The following MICU2 variants were observed in gnomAD, a reference collection of about 807,000 sequenced individuals.
MICU2 encodes the protein calcium uptake protein 2, mitochondrial.
A neutral mutation model predicts 60.4 loss-of-function variants in MICU2; 64 were observed. The observed-to-expected ratio is 1.06, with a 90% CI of 0.87 to 1.31. The LOEUF (loss-of-function observed/expected upper bound fraction) is 1.31. Among genes scored for constraint, MICU2 ranks in the 50% most tolerant of loss-of-function variants. The probability of loss-of-function intolerance (pLI) is 0.00; values close to 1 mark genes in which losing one functional copy is unlikely to be tolerated. For missense variants in MICU2, 569 were observed against 531.0 expected (o/e 1.07, Z -0.70); for synonymous variants, 201 against 175.0 (o/e 1.15, Z -1.17).
intron 2 of MICU2, among the ~76,000 whole-genome samples, chr13:21,550,025 G>A (rs1031699597): frequency 3.3e-5 from 5 of 152,066 alleles, no homozygotes; most frequent in African/African-American, 1.2e-4. Context: ...TAAAGGGTAG[G>A]GCTAGCACTG....
chr13:21,601,445 T>C (rs1262215286), intron 1 of MICU2, among the ~76,000 whole-genome samples: 1 of 152,226 alleles, frequency 6.6e-6, no homozygotes, highest in East Asian at 1.9e-4. Context: ...GCAAATGCTA[T>C]GCCAACAGAC....
chr13:21,522,536 T>A (rs956238618), intron 5 of MICU2, 67 bp downstream of exon 5: 26 of 1,313,158 alleles, frequency 2.0e-5, no homozygotes, highest in African/African-American at 3.0e-5. Flanking sequence ...TGCCAAACTT[T>A]TAAAATCCTG....
chr13:21,594,994 T>C (rs997901672), intron 1 of MICU2, among the ~76,000 whole-genome samples: 1 of 152,204 alleles, frequency 6.6e-6, no homozygotes, highest in Admixed American at 6.5e-5. Context: ...TATCCTGTTT[T>C]TGTTTTGTTT....
At chr13:21,506,367 T>C (rs920125952) in intron 8 of MICU2, among the ~76,000 whole-genome samples, 1 of 152,194 alleles carries the variant, frequency 6.6e-6, no homozygotes, top group Non-Finnish European at 1.5e-5. Flanking sequence ...ACCTCAGCTC[T>C]AATGGGCTGC....
chr13:21,595,303 G>T (rs1469621432), intron 1 of MICU2, among the ~76,000 whole-genome samples: 1 of 152,208 alleles, frequency 6.6e-6, no homozygotes, highest in South Asian at 2.1e-4. Context: ...GAAGGCATGG[G>T]AGTGACACTG....
At chr13:21,563,019 T>C (rs1050653873) in intron 2 of MICU2, among the ~76,000 whole-genome samples, 2 of 152,234 alleles carry the variant, frequency 1.3e-5, no homozygotes, top group African/African-American at 2.4e-5. Flanking sequence ...GAATTCTACA[T>C]TGGTAAATTT....
intron 4 of MICU2, among the ~76,000 whole-genome samples, chr13:21,535,422 T>C (rs1887107896): frequency 6.6e-6 from 1 of 152,156 alleles, no homozygotes; most frequent in African/African-American, 2.4e-5. Flanking sequence ...AGTCTCAAAA[T>C]GCTTCCAGAA....
chr13:21,531,336 G>A (rs181214504), intron 4 of MICU2: 287 of 1,529,456 alleles, frequency 1.9e-4, no homozygotes, highest in Admixed American at 1.4e-3. Context: ...ACACCAACCC[G>A]AAAAACTTGA....
intron 1 of MICU2, among the ~76,000 whole-genome samples, chr13:21,578,511 C>A (rs1888276356): frequency 6.6e-6 from 1 of 152,056 alleles, no homozygotes; most frequent in African/African-American, 2.4e-5. Context: ...ATCACTTGAG[C>A]CTGCGAGGTT....
intron 2 of MICU2, among the ~76,000 whole-genome samples, chr13:21,546,295 CT>C (rs33921647): frequency 0.18 from 23,335 of 131,190 alleles, 2,082 homozygotes; most frequent in Non-Finnish European, 0.25. Context: ...GATAAAAAGA[CT>C]TTTTTTTTTT....
At chr13:21,525,102 T>C (rs1220506874) in intron 4 of MICU2, among the ~76,000 whole-genome samples, 1 of 151,776 alleles carries the variant, frequency 6.6e-6, no homozygotes, top group Non-Finnish European at 1.5e-5. Context: ...AATATTTATC[T>C]AAGCCCCTGC....
chr13:21,539,501 C>G (rs1458271308), intron 3 of MICU2, 124 bp from the exon 4 acceptor site: 28 of 1,283,862 alleles, frequency 2.2e-5, no homozygotes, highest in Admixed American at 1.2e-4. Context: ...CAGGGCTTCA[C>G]TGTGTTAGCC....
intron 1 of MICU2, among the ~76,000 whole-genome samples, chr13:21,598,499 T>C (rs1888744130): frequency 6.6e-6 from 1 of 152,160 alleles, no homozygotes; most frequent in South Asian, 2.1e-4. Context: ...ACGGATCACC[T>C]GAGGTCAAGA....
At chr13:21,529,614 G>C (rs1886938772) in intron 4 of MICU2, among the ~76,000 whole-genome samples, 1 of 152,232 alleles carries the variant, frequency 6.6e-6, no homozygotes, top group South Asian at 2.1e-4. Flanking sequence ...TGTGGTTTCA[G>C]AGAAATCAAG....
Position 21,604,084 on chromosome 13 carries a change from A to G in MICU2, c.65T>C (p.Leu22Pro). Residue 22 changes from leucine (L) to proline (P), a missense_variant, in exon 1 of 12, where the codon CTC becomes CCC. Transcript: ENST00000382374. ...CCGCACAGCCTGTCGGCTGACAGCGAGCCCCCGTCGCAGTTTTCCGCCCCA... is the reference window on the plus strand; with the variant it reads ...CCGCACAGCCTGTCGGCTGACAGCGGGCCCCCGTCGCAGTTTTCCGCCCCA... ...AAWGGKLRRGLAVSRQAVRSP... is the reference protein window; with the variant it reads ...AAWGGKLRRGPAVSRQAVRSP... 6.3e-7 allele frequency: 1 copy of G among 1,596,944 alleles called. No individual in the cohort carries two copies. Among genetic ancestry groups the G allele is most frequent in the Non-Finnish European group, 8.5e-7 (1 of 1,173,356 alleles).
At chr13:21,578,732 T>C (rs1219648897) in intron 1 of MICU2, among the ~76,000 whole-genome samples, 1 of 152,228 alleles carries the variant, frequency 6.6e-6, no homozygotes, top group African/African-American at 2.4e-5. Context: ...GCAACCTCAC[T>C]AAAGATATAC....
chr13:21,574,576 A>G (rs1888182246), intron 1 of MICU2, among the ~76,000 whole-genome samples: 1 of 152,214 alleles, frequency 6.6e-6, no homozygotes, highest in African/African-American at 2.4e-5. Context: ...GACATATTGG[A>G]AAAAGTTAGT....
At chr13:21,560,006 C>T (rs572783935) in intron 2 of MICU2, among the ~76,000 whole-genome samples, 1 of 152,132 alleles carries the variant, frequency 6.6e-6, no homozygotes, top group Admixed American at 6.5e-5. Flanking sequence ...CATACATTTC[C>T]TCTTCTGTGA....
At chr13:21,593,216 C>T (rs1888620798) in intron 1 of MICU2, among the ~76,000 whole-genome samples, 1 of 151,886 alleles carries the variant, frequency 6.6e-6, no homozygotes, top group Non-Finnish European at 1.5e-5. Flanking sequence ...TCCTTTACAA[C>T]GATAGGCAAG....
Sources: allele counts gnomAD v4.1 joint callset (sites outside exome capture counted in the v4.1 genomes callset), GRCh38; gene constraint gnomAD v4.1.1; transcripts MANE v1.5; gene names NCBI Gene and HGNC (gene_info 2026-07-23, HGNC 2026-07-21).